The following FGD5 variants were observed in gnomAD, a reference collection of about 807,000 sequenced individuals.
FGD5 encodes FYVE, RhoGEF and PH domain containing 5.
FGD5 carries 28 observed loss-of-function variants against 133.4 expected under a neutral mutation model. The ratio of observed to expected loss-of-function variants is 0.21; its 90% confidence interval spans 0.16 to 0.29. The LOEUF (loss-of-function observed/expected upper bound fraction) is 0.29. FGD5 is among the 10% of genes least tolerant of loss of function. The pLI is 1.00. For synonymous variants in FGD5, 810 were observed against 776.5 expected (o/e 1.04, Z -0.72); for missense variants, 1,858 against 1,895.2 (o/e 0.98, Z 0.36).
chr3:14,895,067 G>A (rs1229493272), intron 4 of FGD5, among the ~76,000 whole-genome samples: 1 of 151,940 alleles, frequency 6.6e-6, no homozygotes, highest in Non-Finnish European at 1.5e-5. Context: ...GGGCTTTTTT[G>A]CTATTTGAGT....
upstream of FGD5, among the ~76,000 whole-genome samples, chr3:14,817,089 A>T (rs556499774): frequency 6.6e-6 from 1 of 152,374 alleles, no homozygotes; most frequent in South Asian, 2.1e-4. Flanking sequence ...GACACTTAGT[A>T]TGAAAAAAGA....
rs1053741738 is a variant in FGD5, at chr3:14,911,024, G to C, written c.3405+95G>C. On this transcript the variant is annotated intron_variant, in intron 11 of 19. Transcript: ENST00000285046. Reference sequence around the variant, plus strand: ...CAAGGACAAGTGGAATAGGGTGAGAGGAGAGTAGAACAGAGCAGACATTTG... The same window carrying C: ...CAAGGACAAGTGGAATAGGGTGAGACGAGAGTAGAACAGAGCAGACATTTG... The C allele has an allele frequency of 8.1e-6, 10 of 1,241,276 alleles. No homozygotes were observed. The African/African-American group carries it at 1.3e-4, about 17-fold the overall frequency. The allele number at this position is 1,241,276 out of a possible 1,614,324, so 76.9% of individuals were successfully genotyped here.
chr3:14,898,944 A>T, intron 7 of FGD5, 118 bp downstream of exon 7: 1 of 864,438 alleles, frequency 1.2e-6, no homozygotes, highest in Non-Finnish European at 1.8e-6. Context: ...GTGTTGGGGA[A>T]GGGTGACCTC....
At chr3:14,829,744 C>T (rs544640232) in intron 1 of FGD5, among the ~76,000 whole-genome samples, 7 of 152,138 alleles carry the variant, frequency 4.6e-5, no homozygotes, top group East Asian at 3.9e-4. Flanking sequence ...CCATCCAGAC[C>T]GAGAATAGCG....
intron 2 of FGD5, among the ~76,000 whole-genome samples, chr3:14,870,835 G>A (rs2037593150): frequency 6.6e-6 from 1 of 152,170 alleles, no homozygotes; most frequent in South Asian, 2.1e-4. Context: ...CGGCCTGCCT[G>A]CTTCCTGTGT....
At position 14,897,582 on chromosome 3, in the gene FGD5, A is replaced by T. The variant is rs2307091; in HGVS notation, c.2822A>T (p.Glu941Val). Reference protein sequence around the residue: ...HEGRDTLAREELRQGLSELPA... With the variant: ...HEGRDTLAREVLRQGLSELPA... ...GGCAGAGACACATTGGCCCGGGAGGAGCTGAGGCAGGGCCTGAGTGAACTC... is the reference window on the plus strand; with the variant it reads ...GGCAGAGACACATTGGCCCGGGAGGTGCTGAGGCAGGGCCTGAGTGAACTC... The change falls in exon 5 of 20, where the codon GAG becomes GTG. Residue 941 changes from glutamate (E) to valine (V), a missense_variant. By Grantham distance (121) the Glu-to-Val change is moderately radical (BLOSUM62 -2). Transcript: ENST00000285046. 0.028 allele frequency: 44,340 copies of T among 1,604,294 alleles called. 2,644 individuals carry two copies. Among genetic ancestry groups the T allele is most frequent in the East Asian group, 0.27 (11,887 of 44,448 alleles).
chr3:14,923,468 C>G (rs998390907), intron 16 of FGD5: 1 of 413,868 alleles, frequency 2.4e-6, no homozygotes, highest in Non-Finnish European at 4.5e-6. Context: ...CATAGAGGCC[C>G]TCTTGTCAAG....
At chr3:14,885,727 C>T (rs753228422) in intron 4 of FGD5, among the ~76,000 whole-genome samples, 66 of 152,194 alleles carry the variant, frequency 4.3e-4, no homozygotes, top group South Asian at 6.2e-4. Flanking sequence ...AAGTGAATGG[C>T]ATTTTTATGA....
At chr3:14,810,799 G>A, upstream of FGD5, 2 of 984,284 alleles carry the variant, frequency 2.0e-6, no homozygotes. Context: ...AGTCGCACTG[G>A]GACCCGCGGA....
chr3:14,916,470 G>A (rs1274971474), intron 11 of FGD5, among the ~76,000 whole-genome samples: 2 of 152,174 alleles, frequency 1.3e-5, no homozygotes, highest in African/African-American at 2.4e-5. Context: ...CTCTGTGAAG[G>A]GACCTGGAAG....
chr3:14,873,889 T>C (rs548816804), intron 2 of FGD5, among the ~76,000 whole-genome samples: 178 of 152,118 alleles, frequency 1.2e-3, no homozygotes, highest in Non-Finnish European at 2.0e-3. Context: ...GCCAGACTAA[T>C]TTTTGTATTT....
chr3:14,917,394 G>A lies in FGD5; in HGVS notation c.3489+62G>A, dbSNP rs2038580202. Reference sequence around the variant, plus strand: ...ACAGGGAGACCCCAGGGGAGAAGGGGACAGCATCCTGCTCCCAGGAGCACC... The same window carrying A: ...ACAGGGAGACCCCAGGGGAGAAGGGAACAGCATCCTGCTCCCAGGAGCACC... On this transcript the variant is annotated intron_variant, in intron 12 of 19. Coordinates refer to ENST00000285046, the MANE Select transcript of FGD5 (RefSeq NM_152536.4). This position sits in a 1 kb window ranked among gnomAD's most constrained non-coding sequence, Gnocchi z 4.1. 1 of 1,469,612 alleles carries A rather than the reference G, an allele frequency of 6.8e-7. No homozygotes were observed. The highest frequency in any genetic ancestry group is 9.4e-7 in the Non-Finnish European group (1 of 1,067,338). The allele number at this position is 1,469,612 out of a possible 1,614,324, so 91.0% of individuals were successfully genotyped here.
In FGD5 at chr3:14,820,784, G is replaced by T. The variant is rs768942179; in HGVS notation, c.1713G>T (p.Leu571Phe). 1 of 1,613,822 alleles carries T rather than the reference G, an allele frequency of 6.2e-7. No individual in the cohort carries two copies. Among genetic ancestry groups the T allele is most frequent in the South Asian group, 1.1e-5 (1 of 91,044 alleles). Residue 571 changes from leucine to phenylalanine, a missense_variant, in exon 1 of 20, where the codon TTG (leucine) becomes TTT (phenylalanine). By Grantham distance (22) the Leu-to-Phe change is conservative (BLOSUM62 0). Transcript: ENST00000285046. ...ACCAGGAGCCTGAGGGGTCAGGGTTGGATGACCACAGGATAAAGAGGAAAG... is the reference window on the plus strand; with the variant it reads ...ACCAGGAGCCTGAGGGGTCAGGGTTTGATGACCACAGGATAAAGAGGAAAG... ...SVYQEPEGSG[L>F]DDHRIKRKED...
chr3:14,813,893 AAT>A (rs1251811912), intron 1 of FGD5, among the ~76,000 whole-genome samples: 1 of 152,212 alleles, frequency 6.6e-6, no homozygotes, highest in African/African-American at 2.4e-5. Context: ...ATTTAATTAA[AAT>A]AGAGAGAGAA....
intron 1 of FGD5, among the ~76,000 whole-genome samples, chr3:14,852,127 T>C (rs908591700): frequency 2.6e-5 from 4 of 152,196 alleles, no homozygotes; most frequent in Non-Finnish European, 5.9e-5. Flanking sequence ...AAAATATGGC[T>C]ATACAAAAAT....
intron 1 of FGD5, among the ~76,000 whole-genome samples, chr3:14,844,212 AAAAAAATATATATAT>A (rs2036985842): frequency 2.5e-4 from 8 of 32,150 alleles, no homozygotes; most frequent in Non-Finnish European, 3.4e-4. Flanking sequence ...ATTAAAAAAA[AAAAAAATATATATAT>A]ATATATATAT....
intron 1 of FGD5, among the ~76,000 whole-genome samples, chr3:14,811,201 G>T (rs1365990031): frequency 6.6e-6 from 1 of 152,158 alleles, no homozygotes; most frequent in Admixed American, 6.5e-5. Context: ...TTTCGCAAAA[G>T]CGACTTCGTC....
chr3:14,878,660 A>G (rs932162977), intron 2 of FGD5, among the ~76,000 whole-genome samples: 11 of 151,762 alleles, frequency 7.2e-5, no homozygotes, highest in Non-Finnish European at 1.5e-4. Context: ...AGGCACAGAG[A>G]GCTAAATGAC....
At chr3:14,918,511 G>T (rs753735354) in intron 12 of FGD5, among the ~76,000 whole-genome samples, 3 of 152,242 alleles carry the variant, frequency 2.0e-5, no homozygotes, top group Non-Finnish European at 2.9e-5. Context: ...ACCTGGGGTT[G>T]CCCGGGCTGG....
Sources: gnomAD v4.1 joint callset for allele counts (sites outside exome capture counted in the v4.1 genomes callset) on GRCh38, gnomAD v4.1.1 for gene constraint, Gnocchi (gnomAD v3.1) non-coding constraint, MANE v1.5 for transcripts, NCBI Gene and HGNC (gene_info 2026-07-23, HGNC 2026-07-21) for gene names.